ABCD3: variants seen among roughly 807,000 people sequenced by gnomAD.
ABCD3 encodes the protein ATP binding cassette subfamily D member 3.
In ABCD3, 41 loss-of-function variants were observed where a neutral mutation model predicts 105.5. The ratio of observed to expected loss-of-function variants is 0.39; its 90% confidence interval spans 0.30 to 0.50. The LOEUF (loss-of-function observed/expected upper bound fraction) is 0.50, where lower values mean the gene tolerates loss of function less well. ABCD3 is among the 20% of genes least tolerant of loss of function. ABCD3 has a pLI of 0.84. For synonymous variants in ABCD3, 258 were observed against 269.0 expected (o/e 0.96, Z 0.40); for missense variants, 622 against 806.3 (o/e 0.77, Z 2.77).
intron 1 of ABCD3, among the ~76,000 whole-genome samples, chr1:94,430,643 G>A (rs1659637597): frequency 6.6e-6 from 1 of 152,168 alleles, no homozygotes; most frequent in Non-Finnish European, 1.5e-5. Context: ...GGCCTCCCCA[G>A]CCATGTGGAA....
the ABCD3 span, among the ~76,000 whole-genome samples, chr1:94,394,145 T>C: frequency 6.6e-6 from 1 of 152,190 alleles, no homozygotes; most frequent in East Asian, 1.9e-4. Context: ...TTTGTCAGAA[T>C]TTTTCTTCTA....
chr1:94,396,612 C>T, the ABCD3 span, among the ~76,000 whole-genome samples: 2,889 of 143,882 alleles, frequency 0.02, 42 homozygotes, highest in African/African-American at 0.038. Context: ...TGTGTGTGTG[C>T]GCGCGCGCAC....
rs1260416351 is a variant in ABCD3 at position 94,487,568 on chromosome 1, G to A, written c.924G>A (p.Leu308=). The change falls in exon 11 of 23, where the codon TTG becomes TTA. Residue 308 remains leucine (L), a synonymous_variant. Transcript: ENST00000370214. ...KLVEHLHNFI[L]FRFSMGFIDS... is the part of the protein sequence containing the mutation. Reference sequence around the variant, plus strand: ...TGGAACACCTACATAATTTCATTTTGTTTCGGTTTTCAATGGGCTTCATTG... The same window carrying A: ...TGGAACACCTACATAATTTCATTTTATTTCGGTTTTCAATGGGCTTCATTG... The A allele has an allele frequency of 6.2e-7, 1 of 1,613,616 alleles. No individual in the cohort carries two copies. The highest frequency in any genetic ancestry group is 8.5e-7 in the Non-Finnish European group (1 of 1,179,852).
rs116397617 is a variant in ABCD3 at position 94,441,162 on chromosome 1, C to T, written c.111-17445C>T. 3.8e-3 allele frequency among the ~76,000 whole-genome samples: 576 copies of T among 152,118 alleles called. 4 individuals are homozygous for T. Among genetic ancestry groups the T allele is most frequent in the Non-Finnish European group, 6.3e-3 (429 of 67,996 alleles). On this transcript the variant is annotated intron_variant, in intron 1 of 22. Coordinates refer to ENST00000370214, the MANE Select transcript of ABCD3 (RefSeq NM_002858.4). ...AAAGCTTCTGTGTGGTAAAAACCCA[C>T]CATAACAAAAGACAAATGACAAACT...
At chr1:94,456,472 T>C (rs1369185251) in intron 1 of ABCD3, among the ~76,000 whole-genome samples, 1 of 151,328 alleles carries the variant, frequency 6.6e-6, no homozygotes, top group African/African-American at 2.4e-5. Flanking sequence ...GAGACAGAGT[T>C]TCACCGTGTT....
upstream of ABCD3, among the ~76,000 whole-genome samples, chr1:94,417,043 C>T (rs2100856866): frequency 6.6e-6 from 1 of 152,340 alleles, no homozygotes; most frequent in Admixed American, 6.5e-5. Context: ...CCCATGTATA[C>T]ACATTAAATT....
At chr1:94,432,297 CT>C (rs1241643766) in intron 1 of ABCD3, among the ~76,000 whole-genome samples, 1 of 152,158 alleles carries the variant, frequency 6.6e-6, no homozygotes, top group Non-Finnish European at 1.5e-5. Context: ...TTTAATTCTT[CT>C]GGTTGTTACC....
chr1:94,468,473 A>G (rs559971437), intron 4 of ABCD3, among the ~76,000 whole-genome samples: 136 of 152,202 alleles, frequency 8.9e-4, no homozygotes, highest in Non-Finnish European at 1.7e-3. Flanking sequence ...AGTGCTTTTT[A>G]TATTTTTTCA....
intron 8 of ABCD3, chr1:94,480,262 T>C (rs1268080739): frequency 1.6e-6 from 1 of 610,146 alleles, no homozygotes; most frequent in African/African-American, 1.9e-5. Flanking sequence ...GCTACAGTGG[T>C]AAGAGGAAAA....
chr1:94,492,242 A>AT (rs1649570303), intron 16 of ABCD3, among the ~76,000 whole-genome samples: 1 of 151,922 alleles, frequency 6.6e-6, no homozygotes, highest in African/African-American at 2.4e-5. Flanking sequence ...TCATGTGGGG[A>AT]TTTTTTTCCT....
At chr1:94,412,713 A>C in the ABCD3 span, among the ~76,000 whole-genome samples, 1 of 152,312 alleles carries the variant, frequency 6.6e-6, no homozygotes, top group Admixed American at 6.5e-5. Flanking sequence ...TCTGGAGTTC[A>C]TATTTATTTA....
chr1:94,467,885 A>G lies in ABCD3; in HGVS notation c.247-34A>G, dbSNP rs561652938. 13 of 1,457,746 alleles carry G rather than the reference A, an allele frequency of 8.9e-6. No individual in the cohort carries two copies. In the Admixed American group the frequency reaches 1.0e-4, roughly 11 times the overall value. 90.3% of individuals were successfully genotyped at this position (1,457,746 alleles called of 1,614,324 possible). A position where few individuals can be genotyped will look rare whatever the true frequency, so the allele number is the denominator to read the frequency against. ...TATTTCTTTGAACTTTCTAAAATGCATGTATTTAATTTACTATACCTGGTT... is the reference window on the plus strand; with the variant it reads ...TATTTCTTTGAACTTTCTAAAATGCGTGTATTTAATTTACTATACCTGGTT... On this transcript the variant is annotated intron_variant, in intron 3 of 22. Transcript: ENST00000370214.
At chr1:94,401,369 A>G in the ABCD3 span, among the ~76,000 whole-genome samples, 1 of 152,366 alleles carries the variant, frequency 6.6e-6, no homozygotes, top group African/African-American at 2.4e-5. Flanking sequence ...CCAATTCTAC[A>G]GGAATGTGCC....
chr1:94,398,936 C>CA, the ABCD3 span, among the ~76,000 whole-genome samples: 174 of 151,006 alleles, frequency 1.2e-3, 3 homozygotes, highest in African/African-American at 3.6e-3. Context: ...AACAAACAAA[C>CA]AAAAAAAACC....
chr1:94,472,582 A>C (rs1007076305), intron 4 of ABCD3, among the ~76,000 whole-genome samples: 1 of 152,100 alleles, frequency 6.6e-6, no homozygotes, highest in African/African-American at 2.4e-5. Flanking sequence ...TGATAGAGGA[A>C]ATGTTTCATG....
chr1:94,438,725 A>T (rs1660021613), intron 1 of ABCD3, among the ~76,000 whole-genome samples: 1 of 152,208 alleles, frequency 6.6e-6, no homozygotes, highest in Non-Finnish European at 1.5e-5. Flanking sequence ...AACCAGCAAA[A>T]GGATGAACAT....
chr1:94,425,773 G>A (rs78119704), intron 1 of ABCD3, among the ~76,000 whole-genome samples: 1,923 of 152,188 alleles, frequency 0.013, 45 homozygotes, highest in African/African-American at 0.044. Flanking sequence ...TAATTTGCAC[G>A]TATTTTATAA....
In ABCD3 at chr1:94,458,626, C is replaced by T. The variant is rs777605340; in HGVS notation, c.130C>T (p.Pro44Ser). The change falls in exon 2 of 23, where the codon CCA becomes TCA. Residue 44 changes from proline to serine, a missense_variant. Coordinates refer to ENST00000370214, the MANE Select transcript of ABCD3 (RefSeq NM_002858.4). The stretch of plus-strand genomic sequence containing the variant: ...CTGCAGTAAGAAAAGTGGAAAACCA[C>T]CATTACAGAACAATGAGGTAAAAGT... ...GLHGKKSGKP[P>S]LQNNEKEGKK... 4.3e-6 allele frequency: 7 copies of T among 1,612,772 alleles called. No individual in the cohort carries two copies. The East Asian group carries it at 1.6e-4, about 36-fold the overall frequency.
intron 16 of ABCD3, among the ~76,000 whole-genome samples, chr1:94,495,929 T>G (rs1406247670): frequency 6.6e-6 from 1 of 152,182 alleles, no homozygotes; most frequent in Non-Finnish European, 1.5e-5. Flanking sequence ...ATAAGGAAAT[T>G]GTGTTATTTA....
Sources: allele counts gnomAD v4.1 joint callset (sites outside exome capture counted in the v4.1 genomes callset), GRCh38; gene constraint gnomAD v4.1.1; transcripts MANE v1.5; gene names NCBI Gene and HGNC (gene_info 2026-07-23, HGNC 2026-07-21).